ZMPSTE24: variants seen among roughly 807,000 people sequenced by gnomAD.
The protein encoded by ZMPSTE24 is zinc metallopeptidase STE24.
Under a neutral mutation model 56.7 loss-of-function variants are expected in ZMPSTE24, and 48 were observed. That is an observed-to-expected ratio of 0.85 (90% CI 0.67 to 1.08). ZMPSTE24 has a LOEUF of 1.08. Among genes scored for constraint, ZMPSTE24 ranks in the 50% least tolerant of loss-of-function variants. ZMPSTE24 has a pLI of 0.00. For missense variants in ZMPSTE24, 503 were observed against 548.7 expected (o/e 0.92, Z 0.83); for synonymous variants, 172 against 195.2 (o/e 0.88, Z 0.99).
chr1:40,265,925 G>A (rs965412988), intron 2 of ZMPSTE24, among the ~76,000 whole-genome samples: 1 of 152,154 alleles, frequency 6.6e-6, no homozygotes, highest in Non-Finnish European at 1.5e-5. Flanking sequence ...CAGTCTAAAA[G>A]ATGGATAGTT....
intron 2 of ZMPSTE24, among the ~76,000 whole-genome samples, chr1:40,263,475 ACT>A (rs1236215854): frequency 1.3e-5 from 2 of 152,160 alleles, no homozygotes; most frequent in South Asian, 2.1e-4. Flanking sequence ...TGGGTTTCAA[ACT>A]CTGTTCTGCT....
intron 8 of ZMPSTE24, among the ~76,000 whole-genome samples, chr1:40,286,568 C>CCA (rs1251966879): frequency 8.1e-5 from 12 of 147,244 alleles, no homozygotes; most frequent in Admixed American, 2.7e-4. Context: ...CTACAGGCAC[C>CCA]CACCACCATC....
At chr1:40,286,076 T>C in intron 8 of ZMPSTE24, 47 bp downstream of exon 8, 1 of 1,518,160 alleles carries the variant, frequency 6.6e-7, no homozygotes, top group South Asian at 1.1e-5. Context: ...ATAGTCAAAT[T>C]AGAACTATGG....
chr1:40,264,155 G>A (rs984445277), intron 2 of ZMPSTE24, among the ~76,000 whole-genome samples: 14 of 152,180 alleles, frequency 9.2e-5, no homozygotes, highest in East Asian at 1.9e-4. Flanking sequence ...CCAACATGGC[G>A]AAACCCTGTC....
intron 9 of ZMPSTE24, 121 bp downstream of exon 9, chr1:40,291,118 C>CCCCTGA: frequency 7.6e-7 from 1 of 1,310,620 alleles, no homozygotes; most frequent in East Asian, 2.4e-5. Context: ...GAAACAAAGT[C>CCCCTGA]TTTTAGTCCC....
At chr1:40,258,546 A>G in intron 1 of ZMPSTE24, 152 bp downstream of exon 1, 1 of 1,406,010 alleles carries the variant, frequency 7.1e-7, no homozygotes, top group Non-Finnish European at 9.8e-7. Flanking sequence ...CCGATGGCGG[A>G]CTGTGGCTTT....
chr1:40,292,421 A>C, intron 9 of ZMPSTE24, 24 bp from the exon 10 acceptor site: 1 of 1,610,906 alleles, frequency 6.2e-7, no homozygotes, highest in Non-Finnish European at 8.5e-7. Context: ...GCAGTGGCTA[A>C]AACCCTTTCA....
At chr1:40,270,635 C>T (rs1407308238) in intron 5 of ZMPSTE24, among the ~76,000 whole-genome samples, 1 of 152,000 alleles carries the variant, frequency 6.6e-6, no homozygotes, top group African/African-American at 2.4e-5. Flanking sequence ...ATCTTTTACC[C>T]ATTCTTCTTC....
intron 1 of ZMPSTE24, 28 bp downstream of exon 1, chr1:40,258,422 C>T (rs1643460776): frequency 1.2e-6 from 2 of 1,613,678 alleles, no homozygotes; most frequent in Non-Finnish European, 8.5e-7. Context: ...CCAACCTGAC[C>T]CCCATACCCG....
chr1:40,271,364 G>T (rs1162906729), intron 5 of ZMPSTE24, among the ~76,000 whole-genome samples: 1 of 152,222 alleles, frequency 6.6e-6, no homozygotes, highest in East Asian at 1.9e-4. Context: ...ATGAAAAAGA[G>T]CAGAGAAAAT....
rs1484476028 is a variant in ZMPSTE24, at chr1:40,281,448, A to G, written c.875A>G (p.Lys292Arg). 1 of 1,614,070 alleles carries G rather than the reference A, an allele frequency of 6.2e-7. No individual in the cohort carries two copies. The highest frequency in any genetic ancestry group is 1.7e-5 in the Admixed American group (1 of 60,012). ...TLLEEYSVLN[K>R]DIQEDSGMEP... ...CTAGAAGAGTACTCTGTACTAAACAAAGACATCCAGGAGGATTCTGGCATG... is the reference window on the plus strand; with the variant it reads ...CTAGAAGAGTACTCTGTACTAAACAGAGACATCCAGGAGGATTCTGGCATG... Residue 292 changes from lysine (K) to arginine (R), a missense_variant, in exon 7 of 10, where the codon AAA becomes AGA. Lys to Arg is a conservative substitution (Grantham distance 26). Coordinates refer to ENST00000372759, the MANE Select transcript of ZMPSTE24 (RefSeq NM_005857.5).
intron 4 of ZMPSTE24, among the ~76,000 whole-genome samples, chr1:40,269,474 G>A (rs1462657823): frequency 6.6e-6 from 1 of 151,952 alleles, no homozygotes; most frequent in Non-Finnish European, 1.5e-5. Flanking sequence ...TCATTTGTTT[G>A]TTTGCGACAG....
At position 40,294,065 on chromosome 1, in the gene ZMPSTE24, GCATCCTTTATCTGT is replaced by G. The variant is rs1643865334; in HGVS notation, c.*1397_*1410del. 1 of 152,622 alleles carries G rather than the reference GCATCCTTTATCTGT, an allele frequency of 6.6e-6. No homozygotes were observed. The highest frequency in any genetic ancestry group is 2.1e-4 in the South Asian group (1 of 4,828). 9.5% of individuals were successfully genotyped at this position (152,622 alleles called of 1,614,324 possible). The stretch of plus-strand genomic sequence containing the variant: ...AGGAGCAGTCCTATGCTTTTATTCA[GCATCCTTTATCTGT>G]GACTTCATGCTCTGATAACTGCCTT... On this transcript the variant is annotated 3_prime_UTR_variant, in exon 10 of 10. Coordinates refer to ENST00000372759, the MANE Select transcript of ZMPSTE24 (RefSeq NM_005857.5).
rs1643580616 is a variant in ZMPSTE24, at chr1:40,268,607, A to G, written c.474+72A>G. On this transcript the variant is annotated intron_variant, in intron 4 of 9. Coordinates refer to ENST00000372759, the MANE Select transcript of ZMPSTE24 (RefSeq NM_005857.5). The stretch of plus-strand genomic sequence containing the variant: ...TGTGCTTTTGTCCTGTACTGTTTAT[A>G]ATTTAAACATAATTTACTATTTCAG... 9 of 980,300 alleles carry G rather than the reference A, an allele frequency of 9.2e-6. No homozygotes were observed. In the East Asian group the frequency reaches 2.2e-4, roughly 24 times the overall value. 60.7% of individuals were successfully genotyped at this position (980,300 alleles called of 1,614,324 possible). A position where few individuals can be genotyped will look rare whatever the true frequency, so the allele number is the denominator to read the frequency against.
chr1:40,282,858 A>T (rs932932914), intron 7 of ZMPSTE24, among the ~76,000 whole-genome samples: 1 of 152,218 alleles, frequency 6.6e-6, no homozygotes, highest in South Asian at 2.1e-4. Context: ...GAATATTGCC[A>T]GATGTCCCCT....
chr1:40,286,158 C>A, intron 8 of ZMPSTE24, 129 bp downstream of exon 8: 1 of 789,380 alleles, frequency 1.3e-6, no homozygotes, highest in Non-Finnish European at 2.2e-6. Context: ...CCTATCACAG[C>A]TCCCTGACTT....
chr1:40,291,296 C>T (rs967752928), intron 9 of ZMPSTE24, among the ~76,000 whole-genome samples: 1 of 152,180 alleles, frequency 6.6e-6, no homozygotes. Context: ...TCCTAGGCCA[C>T]ATATTCACCA....
At chr1:40,262,624 A>G (rs1643508286) in intron 2 of ZMPSTE24, 1 of 180,300 alleles carries the variant, frequency 5.5e-6, no homozygotes, top group Non-Finnish European at 1.1e-5. Context: ...AAAAAGAATT[A>G]TAGTAACTTT....
At chr1:40,260,680 C>T (rs1424018201) in intron 1 of ZMPSTE24, among the ~76,000 whole-genome samples, 159 bp from the exon 2 acceptor site, 7 of 152,186 alleles carry the variant, frequency 4.6e-5, no homozygotes, top group Non-Finnish European at 8.8e-5. Context: ...TTTCCTGCAT[C>T]AGTCGTTTCA....
Sources: allele counts gnomAD v4.1 joint callset (sites outside exome capture counted in the v4.1 genomes callset), GRCh38; gene constraint gnomAD v4.1.1; transcripts MANE v1.5; gene names NCBI Gene and HGNC (gene_info 2026-07-23, HGNC 2026-07-21).